Variants in S100Z observed in about 807,000 individuals in gnomAD.
The protein encoded by S100Z is protein S100-Z.
A neutral mutation model predicts 8.5 loss-of-function variants in S100Z; 11 were observed. The observed-to-expected ratio is 1.30, with a 90% CI of 0.82 to 2.15. The LOEUF (loss-of-function observed/expected upper bound fraction) is 2.15, where lower values mean the gene tolerates loss of function less well. S100Z is among the 30% of genes most tolerant of loss of function. S100Z has a pLI of 0.00. For synonymous variants in S100Z, 34 were observed against 43.8 expected (o/e 0.78, Z 0.89); for missense variants, 126 against 117.9 (o/e 1.07, Z -0.32).
At chr5:76,889,123 A>G (rs1344816603) in intron 4 of S100Z, among the ~76,000 whole-genome samples, 5 of 152,180 alleles carry the variant, frequency 3.3e-5, no homozygotes, top group Admixed American at 6.5e-5. Flanking sequence ...CATCGCATGT[A>G]ACTGGCTGAT....
intron 4 of S100Z, among the ~76,000 whole-genome samples, chr5:76,915,979 G>T (rs143114827): frequency 6.6e-6 from 1 of 152,128 alleles, no homozygotes; most frequent in East Asian, 1.9e-4. Flanking sequence ...AGGCCAACAT[G>T]GTGAAACCTC....
intron 1 of S100Z, among the ~76,000 whole-genome samples, chr5:76,868,136 A>G (rs1172536530): frequency 6.6e-6 from 1 of 152,094 alleles, no homozygotes; most frequent in East Asian, 1.9e-4. Flanking sequence ...GCCTTTTGAC[A>G]TTGCCTTTGT....
At chr5:76,952,686 T>C in the S100Z span, 1 of 170,456 alleles carries the variant, frequency 5.9e-6, no homozygotes, top group Non-Finnish European at 1.3e-5. Context: ...TATGTTTGGG[T>C]ATTTTATGCG....
Sources: gnomAD v4.1 joint callset for allele counts (sites outside exome capture counted in the v4.1 genomes callset) on GRCh38, gnomAD v4.1.1 for gene constraint, MANE v1.5 for transcripts, NCBI Gene and HGNC (gene_info 2026-07-23, HGNC 2026-07-21) for gene names.